Variants in KIAA1549L observed in about 807,000 individuals in gnomAD.
KIAA1549L encodes the protein UPF0606 protein KIAA1549L.
In KIAA1549L, 88 loss-of-function variants were observed where a neutral mutation model predicts 160.7. The observed-to-expected ratio is 0.55, with a 90% CI of 0.46 to 0.65. KIAA1549L has a LOEUF of 0.65. Ranked by LOEUF, KIAA1549L falls within the 30% of genes least tolerant of loss-of-function variation. KIAA1549L has a pLI of 0.00. For synonymous variants in KIAA1549L, 950 were observed against 976.7 expected (o/e 0.97, Z 0.51); for missense variants, 2,258 against 2,437.5 (o/e 0.93, Z 1.55).
At chr11:33,448,088 A>T (rs1020722094) in intron 1 of KIAA1549L, among the ~76,000 whole-genome samples, 15 of 152,200 alleles carry the variant, frequency 9.9e-5, no homozygotes, top group African/African-American at 3.6e-4. Flanking sequence ...TTTTTAAAAA[A>T]TTTTAAGTTT....
At chr11:33,597,234 T>C (rs1214195589) in intron 12 of KIAA1549L, among the ~76,000 whole-genome samples, 2 of 152,260 alleles carry the variant, frequency 1.3e-5, no homozygotes, top group African/African-American at 2.4e-5. Flanking sequence ...TGGCGAGGAA[T>C]GTCCCACTTG....
intron 13 of KIAA1549L, among the ~76,000 whole-genome samples, chr11:33,604,177 A>G (rs1850438346): frequency 6.6e-6 from 1 of 152,182 alleles, no homozygotes; most frequent in African/African-American, 2.4e-5. Context: ...TTATTATCTC[A>G]TATCATATCT....
In KIAA1549L at chr11:33,376,692, C is replaced by T; in HGVS notation, c.41C>T (p.Ala14Val). 6.6e-6 allele frequency: 1 copy of T among 150,930 alleles called. No individual in the cohort carries two copies. The highest frequency in any genetic ancestry group is 1.5e-5 in the Non-Finnish European group (1 of 67,688). 9.3% of individuals were successfully genotyped at this position (150,930 alleles called of 1,614,324 possible). A position where few individuals can be genotyped will look rare whatever the true frequency, so the allele number is the denominator to read the frequency against. Residue 14 changes from alanine to valine, a missense_variant, in exon 1 of 21, where the codon GCT (alanine) becomes GTT (valine). By Grantham distance (64) the Ala-to-Val change is moderately conservative (BLOSUM62 0). Around this residue, in one of 6 missense-constraint regions of KIAA1549L, gnomAD observed 540 missense variants for 465.7 expected, o/e 1.16. Transcript: ENST00000658780. This position sits in a 1 kb window ranked among gnomAD's most constrained non-coding sequence, Gnocchi z 5.8. ...GCCAAGCCTCAGGGCTCAAGGGAAGCTGGGCCCGCGACGCGGGGGCGCGGG... is the reference window on the plus strand; with the variant it reads ...GCCAAGCCTCAGGGCTCAAGGGAAGTTGGGCCCGCGACGCGGGGGCGCGGG... ...QEAKPQGSRE[A>V]GPATRGRGGR...
chr11:33,509,461 G>A (rs538363974), intron 1 of KIAA1549L, among the ~76,000 whole-genome samples: 10 of 152,240 alleles, frequency 6.6e-5, no homozygotes, highest in South Asian at 2.1e-4. Context: ...AAGCTCATGC[G>A]TCATTACAAA....
intron 20 of KIAA1549L, among the ~76,000 whole-genome samples, chr11:33,665,895 G>A (rs1477348428): frequency 6.6e-6 from 1 of 152,204 alleles, no homozygotes; most frequent in Non-Finnish European, 1.5e-5. Flanking sequence ...TGCTGAGGAT[G>A]CAGGCTGATG....
At chr11:33,570,386 C>T (rs1855210486) in intron 9 of KIAA1549L, among the ~76,000 whole-genome samples, 1 of 152,164 alleles carries the variant, frequency 6.6e-6, no homozygotes, top group Non-Finnish European at 1.5e-5. Flanking sequence ...GGGTTTATTT[C>T]TGCAAATCCC....
chr11:33,392,173 A>G lies in KIAA1549L; in HGVS notation c.238+15284A>G, dbSNP rs72919366. ...GAAACTAGATCTGATTACAATGTAA[A>G]TATATTATCAGTTATACAGTGCAGT... On this transcript the variant is annotated intron_variant, in intron 1 of 20. Transcript: ENST00000658780. Among the ~76,000 whole-genome samples the G allele has an allele frequency of 3.2e-3, 483 of 152,326 alleles. 2 individuals carry two copies. Among genetic ancestry groups the G allele is most frequent in the Non-Finnish European group, 5.3e-3 (361 of 68,026 alleles).
intron 1 of KIAA1549L, among the ~76,000 whole-genome samples, chr11:33,437,437 G>A (rs1851403363): frequency 6.6e-6 from 1 of 152,228 alleles, no homozygotes; most frequent in African/African-American, 2.4e-5. Context: ...CCCTGGACCG[G>A]GAGGTGTCAT....
intron 1 of KIAA1549L, among the ~76,000 whole-genome samples, chr11:33,472,914 G>C (rs1177400042): frequency 6.6e-6 from 1 of 152,146 alleles, no homozygotes; most frequent in African/African-American, 2.4e-5. Flanking sequence ...GAGAAACAGG[G>C]CTTTCTCTGG....
rs760172662 is a variant in KIAA1549L, at chr11:33,646,056, C to A, written c.5760+20C>A. ...CGGCCGGTAAGTCATTCATTCCACC[C>A]ACCTGCCATCATCTGGTCAGTCTGC... On this transcript the variant is annotated intron_variant, in intron 17 of 20. Transcript: ENST00000658780. 2 of 1,513,888 alleles carry A rather than the reference C, an allele frequency of 1.3e-6. No homozygotes were observed. The highest frequency in any genetic ancestry group is 1.2e-5 in the South Asian group (1 of 80,708). The allele number at this position is 1,513,888 out of a possible 1,614,324, so 93.8% of individuals were successfully genotyped here. A position where few individuals can be genotyped will look rare whatever the true frequency, so the allele number is the denominator to read the frequency against.
At chr11:33,382,533 C>G (rs1850092533) in intron 1 of KIAA1549L, among the ~76,000 whole-genome samples, 1 of 151,774 alleles carries the variant, frequency 6.6e-6, no homozygotes, top group Admixed American at 6.6e-5. Flanking sequence ...GGAGGTGGGC[C>G]AAGGGAGGGT....
chr11:33,592,016 G>T (rs766040653), intron 12 of KIAA1549L, among the ~76,000 whole-genome samples: 1 of 152,286 alleles, frequency 6.6e-6, no homozygotes, highest in Middle Eastern at 3.4e-3. Context: ...GGAAAACCTC[G>T]TGGAGAAGGT....
chr11:33,661,883 A>C (rs79011929), intron 20 of KIAA1549L, among the ~76,000 whole-genome samples: 2 of 116,598 alleles, frequency 1.7e-5, no homozygotes, highest in Non-Finnish European at 3.5e-5. Flanking sequence ...ATGTCTCAAA[A>C]AAAAAAAAAA....
rs980183164 is a variant in KIAA1549L, at chr11:33,594,018, A to G, written c.4751+2597A>G. ...GGGAAGGATCAACAAAGAAAAAGGA[A>G]TAGTGTCAGGAAGAAGGGCATGAGA... On this transcript the variant is annotated intron_variant, in intron 12 of 20. Coordinates refer to ENST00000658780, the MANE Select transcript of KIAA1549L (RefSeq NM_012194.3). Among the ~76,000 whole-genome samples the G allele has an allele frequency of 3.3e-5, 5 of 152,160 alleles. No homozygotes were observed. The East Asian group carries it at 9.6e-4, about 29-fold the overall frequency.
At chr11:33,599,157 C>G (rs11032313) in intron 13 of KIAA1549L, 1 of 431,640 alleles carries the variant, frequency 2.3e-6, no homozygotes, top group Non-Finnish European at 4.1e-6. Context: ...GTCTCACTTC[C>G]TCCGCCCCTG....
At chr11:33,545,605 G>T (rs1407840236) in intron 3 of KIAA1549L, among the ~76,000 whole-genome samples, 3 of 152,134 alleles carry the variant, frequency 2.0e-5, no homozygotes, top group African/African-American at 7.2e-5. Flanking sequence ...ATCTTACAAT[G>T]CACAGAACAG....
At chr11:33,469,741 G>T (rs763223770) in intron 1 of KIAA1549L, among the ~76,000 whole-genome samples, 1 of 152,120 alleles carries the variant, frequency 6.6e-6, no homozygotes, top group Non-Finnish European at 1.5e-5. Flanking sequence ...GCTCATTTTG[G>T]TTTTGATTTG....
At chr11:33,634,038 T>TTTG (rs753973969) in intron 16 of KIAA1549L, among the ~76,000 whole-genome samples, 69 of 152,176 alleles carry the variant, frequency 4.5e-4, no homozygotes, top group African/African-American at 1.1e-3. Flanking sequence ...CTACTCTGTT[T>TTTG]TTGTTGTTGT....
At chr11:33,602,076 T>C (rs1157639549) in intron 13 of KIAA1549L, among the ~76,000 whole-genome samples, 2 of 152,214 alleles carry the variant, frequency 1.3e-5, no homozygotes, top group African/African-American at 4.8e-5. Context: ...AATACATATC[T>C]TTGCATCTTA....
Sources: gnomAD v4.1 joint callset for allele counts (sites outside exome capture counted in the v4.1 genomes callset) on GRCh38, gnomAD v4.1.1 for gene constraint, gnomAD v4.1.1 regional missense constraint, Gnocchi (gnomAD v3.1) non-coding constraint, MANE v1.5 for transcripts, NCBI Gene and HGNC (gene_info 2026-07-23, HGNC 2026-07-21) for gene names.